RNF150: variants seen among roughly 807,000 people sequenced by gnomAD.
RNF150 encodes ring finger protein 150.
In RNF150, 24 loss-of-function variants were observed where a neutral mutation model predicts 39.3. The observed-to-expected ratio is 0.61, with a 90% confidence interval of 0.44 to 0.86. The LOEUF (loss-of-function observed/expected upper bound fraction) is 0.86. RNF150 is among the 40% of genes least tolerant of loss of function. The pLI, the probability that RNF150 is intolerant of heterozygous loss-of-function variation, is 0.00. For missense variants in RNF150, 502 were observed against 587.8 expected (o/e 0.85, Z 1.51); for synonymous variants, 255 against 227.3 (o/e 1.12, Z -1.10).
At chr4:141,192,981 A>G (rs354927) in intron 1 of RNF150, among the ~76,000 whole-genome samples, 147,400 of 152,334 alleles carry the variant, frequency 0.97, 71,489 homozygotes, top group East Asian at 1. Context: ...AAAAAATTCA[A>G]TCTCTTCATA....
intron 1 of RNF150, among the ~76,000 whole-genome samples, chr4:141,193,790 C>T (rs1049591495): frequency 6.6e-6 from 1 of 152,162 alleles, no homozygotes; most frequent in African/African-American, 2.4e-5. Flanking sequence ...AAGCGTCCTG[C>T]AGAAGAAATT....
intron 1 of RNF150, among the ~76,000 whole-genome samples, chr4:141,008,861 T>C (rs1322122480): frequency 6.6e-6 from 1 of 152,144 alleles, no homozygotes; most frequent in Admixed American, 6.6e-5. Context: ...TTCTTCTTCT[T>C]CTTCAGCATT....
chr4:141,075,534 T>G (rs115749589), intron 1 of RNF150, among the ~76,000 whole-genome samples: 1,964 of 152,340 alleles, frequency 0.013, 55 homozygotes, highest in African/African-American at 0.045. Context: ...TATTGCTATA[T>G]TTTCCCCTGA....
chr4:141,196,102 A>G (rs1470500321), intron 1 of RNF150, among the ~76,000 whole-genome samples: 1 of 152,146 alleles, frequency 6.6e-6, no homozygotes, highest in South Asian at 2.1e-4. Context: ...ACAACAGGTA[A>G]AGCTTTCCTC....
chr4:141,077,307 A>C (rs753998301), intron 1 of RNF150, among the ~76,000 whole-genome samples: 4 of 152,328 alleles, frequency 2.6e-5, no homozygotes, highest in South Asian at 2.1e-4. Context: ...ATACAGAAAA[A>C]TACTACTCCG....
At chr4:141,022,381 T>G (rs1041783579) in intron 1 of RNF150, among the ~76,000 whole-genome samples, 2 of 152,114 alleles carry the variant, frequency 1.3e-5, no homozygotes, top group Non-Finnish European at 2.9e-5. Flanking sequence ...GAGGAATGTA[T>G]AGAGTGACAA....
In RNF150 at chr4:141,064,821, G is replaced by A. The variant is rs114457517; in HGVS notation, c.484+67504C>T. Among the ~76,000 whole-genome samples the A allele has an allele frequency of 8.8e-3, 1,338 of 152,124 alleles. 24 individuals carry two copies. Among genetic ancestry groups the A allele is most frequent in the African/African-American group, 0.031 (1,286 of 41,510 alleles). ...GGCAAGGCAGAGGGTTTGACACTAC[G>A]ATGTAGCTTTATAAGCTACACACTG... On this transcript the variant is annotated intron_variant, in intron 1 of 6. Transcript: ENST00000515673.
intron 1 of RNF150, among the ~76,000 whole-genome samples, chr4:140,982,094 A>G (rs558372051): frequency 1.3e-5 from 2 of 152,286 alleles, no homozygotes; most frequent in East Asian, 3.9e-4. Context: ...CATTTTGGCT[A>G]TTTCATCATT....
chr4:141,165,211 G>T lies in RNF150; in HGVS notation c.-6+47583C>A, dbSNP rs545686068. On this transcript the variant is annotated intron_variant, in intron 1 of 7. Coordinates refer to the RNF150 transcript ENST00000420921. ...CAAAAAAGACAAAGAAAGGCATTAC[G>T]TAATGGTAAAGGGATCAATGCAACA... Among the ~76,000 whole-genome samples the T allele has an allele frequency of 2.0e-3, 297 of 152,114 alleles. 1 individual carries two copies. The South Asian group carries it at 0.022, about 11-fold the overall frequency.
At position 140,955,918 on chromosome 4, in the gene RNF150, T is replaced by A. The variant is rs544928032; in HGVS notation, c.736-6546A>T. Among the ~76,000 whole-genome samples the A allele has an allele frequency of 2.6e-5, 4 of 152,324 alleles. No individual in the cohort carries two copies. The South Asian group carries it at 8.3e-4, about 32-fold the overall frequency. On this transcript the variant is annotated intron_variant, in intron 2 of 6. Transcript: ENST00000515673. ...CAAAGGCACATGGGCCATGTACATG[T>A]AAATATTAGGAAAAGTTATTCTCAG...
intron 1 of RNF150, among the ~76,000 whole-genome samples, chr4:140,983,024 T>G (rs969557326): frequency 6.6e-6 from 1 of 152,184 alleles, no homozygotes; most frequent in African/African-American, 2.4e-5. Context: ...AGAAACTTTA[T>G]GACCACAAAT....
At chr4:141,196,554 C>A (rs74581589) in intron 1 of RNF150, among the ~76,000 whole-genome samples, 6,995 of 152,250 alleles carry the variant, frequency 0.046, 524 homozygotes, top group African/African-American at 0.16. Context: ...CATTATGCTT[C>A]CACTACATTG....
At chr4:141,044,720 C>G (rs556598987) in intron 1 of RNF150, among the ~76,000 whole-genome samples, 79 of 152,044 alleles carry the variant, frequency 5.2e-4, no homozygotes, top group South Asian at 1.9e-3. Flanking sequence ...AGGACTAATG[C>G]CAATCCCTAC....
intron 2 of RNF150, among the ~76,000 whole-genome samples, chr4:140,960,504 T>G (rs960048745): frequency 2.0e-5 from 3 of 152,184 alleles, no homozygotes; most frequent in African/African-American, 4.8e-5. Context: ...AAAGGTCTGG[T>G]TGCATAGAGA....
intron 2 of RNF150, among the ~76,000 whole-genome samples, chr4:140,950,999 C>T (rs923489914): frequency 3.3e-5 from 5 of 151,990 alleles, no homozygotes; most frequent in African/African-American, 4.8e-5. Flanking sequence ...AACAGGAGAG[C>T]GAGAGAAAAA....
chr4:141,155,370 T>C (rs1727370404), intron 1 of RNF150, among the ~76,000 whole-genome samples: 1 of 151,488 alleles, frequency 6.6e-6, no homozygotes, highest in South Asian at 2.1e-4. Flanking sequence ...AATGCTGGGA[T>C]TACAGGCGTG....
At chr4:140,873,833 G>A (rs1022502566) in intron 6 of RNF150, among the ~76,000 whole-genome samples, 1 of 152,008 alleles carries the variant, frequency 6.6e-6, no homozygotes, top group African/African-American at 2.4e-5. Context: ...GTCCCACCAC[G>A]CCCAGCTAAT....
intron 1 of RNF150, among the ~76,000 whole-genome samples, chr4:141,033,009 G>A (rs1736010143): frequency 6.6e-6 from 1 of 152,098 alleles, no homozygotes. Flanking sequence ...ACTGAAGGTC[G>A]GGAGCTGTGG....
At chr4:140,952,760 T>A (rs1732588953) in intron 2 of RNF150, among the ~76,000 whole-genome samples, 1 of 152,210 alleles carries the variant, frequency 6.6e-6, no homozygotes, top group African/African-American at 2.4e-5. Flanking sequence ...GAGGATTAAG[T>A]CATTTAGGAG....
Sources: allele counts gnomAD v4.1 joint callset (sites outside exome capture counted in the v4.1 genomes callset), GRCh38; gene constraint gnomAD v4.1.1; transcripts MANE v1.5; gene names NCBI Gene and HGNC (gene_info 2026-07-23, HGNC 2026-07-21).